The following L3MBTL4 variants were observed in gnomAD, a reference collection of about 807,000 sequenced individuals.
L3MBTL4 encodes lethal(3)malignant brain tumor-like protein 4.
In L3MBTL4, 70 loss-of-function variants were observed where a neutral mutation model predicts 84.5. The ratio of observed to expected loss-of-function variants is 0.83; its 90% CI spans 0.68 to 1.01. The LOEUF (loss-of-function observed/expected upper bound fraction) is 1.01, where lower values mean the gene tolerates loss of function less well. Among genes scored for constraint, L3MBTL4 ranks in the 50% least tolerant of loss-of-function variants. The pLI, the probability that L3MBTL4 is intolerant of heterozygous loss-of-function variation, is 0.00. For synonymous variants in L3MBTL4, 274 were observed against 259.8 expected, an observed-to-expected ratio of 1.05 and a Z score of -0.52; for missense variants, 715 against 754.8, an observed-to-expected ratio of 0.95 and a Z score of 0.62.
At chr18:6,048,386 T>C (rs2056713106) in intron 16 of L3MBTL4, among the ~76,000 whole-genome samples, 1 of 152,210 alleles carries the variant, frequency 6.6e-6, no homozygotes, top group African/African-American at 2.4e-5. Flanking sequence ...AATATAATTC[T>C]GAAATGTATT....
chr18:6,315,792 G>T (rs924537984), intron 1 of L3MBTL4, among the ~76,000 whole-genome samples: 2 of 152,162 alleles, frequency 1.3e-5, no homozygotes, highest in African/African-American at 4.8e-5. Context: ...CTGCATAGTG[G>T]CTTCATATTG....
At chr18:6,168,466 G>A (rs1483258255) in intron 13 of L3MBTL4, among the ~76,000 whole-genome samples, 2 of 152,078 alleles carry the variant, frequency 1.3e-5, no homozygotes, top group African/African-American at 4.8e-5. Context: ...CATGGTACTG[G>A]TACCAAAACA....
At chr18:5,967,486 G>A (rs2052412522) in intron 17 of L3MBTL4, among the ~76,000 whole-genome samples, 1 of 152,196 alleles carries the variant, frequency 6.6e-6, no homozygotes, top group Non-Finnish European at 1.5e-5. Flanking sequence ...AACTGAAATG[G>A]CTTCCCTTCT....
rs8083364 is a variant in L3MBTL4 at position 6,264,589 on chromosome 18, G to A, written c.128-551C>T. Reference sequence around the variant, plus strand: ...ACCTGAGGTCAAGAGTTTGAGACCCGCCTGGCCAATATGGTGAAACCCCGT... The same window carrying A: ...ACCTGAGGTCAAGAGTTTGAGACCCACCTGGCCAATATGGTGAAACCCCGT... On this transcript the variant is annotated intron_variant, in intron 4 of 18. Transcript: ENST00000317931. Among the ~76,000 whole-genome samples, 749 of 152,226 alleles carry A rather than the reference G, an allele frequency of 4.9e-3. 11 individuals carry two copies. The highest frequency in any genetic ancestry group is 0.016 in the African/African-American group (651 of 41,532).
chr18:6,095,346 GTTTT>G (rs71370544), intron 14 of L3MBTL4, among the ~76,000 whole-genome samples: 95 of 122,926 alleles, frequency 7.7e-4, no homozygotes, highest in African/African-American at 3.1e-3. Flanking sequence ...GGGGAACATG[GTTTT>G]TTTTTTTTTT....
chr18:6,261,005 T>A (rs1269057519), intron 5 of L3MBTL4: 1 of 152,232 alleles, frequency 6.6e-6, no homozygotes, highest in Non-Finnish European at 1.5e-5. Context: ...CACAAGCATC[T>A]TCTTTAGTTA....
intron 12 of L3MBTL4, among the ~76,000 whole-genome samples, chr18:6,209,531 C>T (rs1344287680): frequency 1.3e-5 from 2 of 151,470 alleles, no homozygotes; most frequent in South Asian, 2.1e-4. Flanking sequence ...TTGGAGTCCT[C>T]ATATACCGCT....
chr18:6,209,468 C>T lies in L3MBTL4; in HGVS notation c.981+3681G>A, dbSNP rs3016530. On this transcript the variant is annotated intron_variant, in intron 12 of 18. Transcript: ENST00000317931. ...GGCAAAAAAAAAAAAAAAGCCAAAA[C>T]AAAACAAAACAAAAACCAGACAATA... Among the ~76,000 whole-genome samples the T allele has an allele frequency of 1.5e-5, 2 of 133,396 alleles. 1 individual carries two copies. Among genetic ancestry groups the T allele is most frequent in the South Asian group, 4.3e-4 (2 of 4,614 alleles). 87.5% of individuals were successfully genotyped at this position (133,396 alleles called of 152,430 possible).
intron 14 of L3MBTL4, among the ~76,000 whole-genome samples, chr18:6,099,196 C>A (rs1363029584): frequency 6.6e-6 from 1 of 152,122 alleles, no homozygotes; most frequent in Non-Finnish European, 1.5e-5. Flanking sequence ...TAAAAATAAC[C>A]CGCCCCATTT....
At chr18:6,331,523 G>A (rs2052033710) in intron 1 of L3MBTL4, among the ~76,000 whole-genome samples, 2 of 152,014 alleles carry the variant, frequency 1.3e-5, no homozygotes, top group Non-Finnish European at 2.9e-5. Context: ...AAACTAGAAA[G>A]CCCACAATGA....
intron 4 of L3MBTL4, among the ~76,000 whole-genome samples, chr18:6,289,963 G>T (rs1404524728): frequency 6.6e-6 from 1 of 152,062 alleles, no homozygotes; most frequent in Non-Finnish European, 1.5e-5. Flanking sequence ...TTGCTCTGTT[G>T]CCTAGGCTTG....
intron 4 of L3MBTL4, among the ~76,000 whole-genome samples, chr18:6,264,249 A>G (rs1439778425): frequency 6.6e-6 from 1 of 152,216 alleles, no homozygotes; most frequent in Non-Finnish European, 1.5e-5. Context: ...GTTTCGGACC[A>G]GGCTAATGAA....
chr18:6,348,789 G>A (rs1188223990), intron 1 of L3MBTL4, among the ~76,000 whole-genome samples: 1 of 152,168 alleles, frequency 6.6e-6, no homozygotes, highest in Non-Finnish European at 1.5e-5. Flanking sequence ...GTAGGAAAAT[G>A]TATCTGCAAC....
rs1309276285 is a variant in L3MBTL4, at chr18:6,239,648, T to A, written c.707+70A>T. 13 of 1,514,000 alleles carry A rather than the reference T, an allele frequency of 8.6e-6. No individual in the cohort carries two copies. In the Middle Eastern group the frequency reaches 6.1e-4, roughly 71 times the overall value. 93.8% of individuals were successfully genotyped at this position (1,514,000 alleles called of 1,614,324 possible). A position where few individuals can be genotyped will look rare whatever the true frequency, so the allele number is the denominator to read the frequency against. ...AGAAGAGCAAAAACAGCAACAGTGC[T>A]AGAATGAAAACAAATTCTTAACATC... On this transcript the variant is annotated intron_variant, in intron 9 of 18. Coordinates refer to ENST00000317931, the MANE Select transcript of L3MBTL4 (RefSeq NM_001330559.2).
In L3MBTL4 at chr18:6,032,920, A is replaced by T. The variant is rs186993362; in HGVS notation, c.1444+47961T>A. ...ATATTCCGTTGTATGTATATGCCTCATTTTGACTTAATTTGTGACCTAACC... is the reference window on the plus strand; with the variant it reads ...ATATTCCGTTGTATGTATATGCCTCTTTTTGACTTAATTTGTGACCTAACC... On this transcript the variant is annotated intron_variant, in intron 16 of 18. Coordinates refer to ENST00000317931, the MANE Select transcript of L3MBTL4 (RefSeq NM_001330559.2). 5.3e-5 allele frequency among the ~76,000 whole-genome samples: 8 copies of T among 152,238 alleles called. No homozygotes were observed. The East Asian group carries it at 1.4e-3, about 26-fold the overall frequency.
At chr18:6,075,509 A>G (rs574327091) in intron 16 of L3MBTL4, among the ~76,000 whole-genome samples, 21 of 152,296 alleles carry the variant, frequency 1.4e-4, no homozygotes, top group African/African-American at 4.8e-4. Flanking sequence ...CCTCTATGTT[A>G]CACCATGCAT....
intron 14 of L3MBTL4, among the ~76,000 whole-genome samples, chr18:6,129,221 G>A (rs1455221732): frequency 6.6e-6 from 1 of 152,136 alleles, no homozygotes; most frequent in East Asian, 1.9e-4. Flanking sequence ...CTTCCAGAAG[G>A]GGTGTCTTAA....
intron 4 of L3MBTL4, among the ~76,000 whole-genome samples, chr18:6,270,428 C>A (rs905170391): frequency 2.6e-5 from 4 of 152,112 alleles, no homozygotes; most frequent in Non-Finnish European, 4.4e-5. Context: ...GGGAGGCAGG[C>A]GTGTAGACAG....
At chr18:6,361,909 A>G (rs894287476) in intron 1 of L3MBTL4, among the ~76,000 whole-genome samples, 8 of 151,892 alleles carry the variant, frequency 5.3e-5, no homozygotes, top group Non-Finnish European at 1.5e-5. Context: ...TGACTCCAAG[A>G]GTTTGAGACC....
Sources: allele counts gnomAD v4.1 joint callset (sites outside exome capture counted in the v4.1 genomes callset), GRCh38; gene constraint gnomAD v4.1.1; transcripts MANE v1.5; gene names NCBI Gene and HGNC (gene_info 2026-07-23, HGNC 2026-07-21).